The following DAB1 variants were observed in gnomAD, a reference collection of about 807,000 sequenced individuals.
DAB1 encodes disabled homolog 1.
A neutral mutation model predicts 64.6 loss-of-function variants in DAB1; 15 were observed. The observed-to-expected ratio is 0.23, with a 90% CI of 0.16 to 0.36. DAB1 has a LOEUF of 0.36. Among genes scored for constraint, DAB1 ranks in the 10% least tolerant of loss-of-function variants. DAB1 has a pLI of 1.00. For synonymous variants in DAB1, 235 were observed against 251.9 expected, an observed-to-expected ratio of 0.93 and a Z score of 0.64; for missense variants, 596 against 706.7, an observed-to-expected ratio of 0.84 and a Z score of 1.78.
chr1:57,359,968 G>C, intron 1 of DAB1, among the ~76,000 whole-genome samples: 1 of 151,958 alleles, frequency 6.6e-6, no homozygotes, highest in Non-Finnish European at 1.5e-5. Context: ...GGCAATATTG[G>C]TCAAATTATA....
intron 3 of DAB1, among the ~76,000 whole-genome samples, chr1:58,348,754 GT>G (rs1373907810): frequency 6.6e-6 from 1 of 152,150 alleles, no homozygotes; most frequent in African/African-American, 2.4e-5. Context: ...ACGTTGGGAA[GT>G]TTTTTTGGCA....
chr1:57,409,302 TA>T (rs1223817521), intron 1 of DAB1, among the ~76,000 whole-genome samples: 8 of 152,238 alleles, frequency 5.3e-5, no homozygotes, highest in Non-Finnish European at 1.2e-4. Flanking sequence ...AACACCTTTG[TA>T]ACTGCTTTCC....
chr1:57,132,968 A>G (rs970338491), intron 4 of DAB1, among the ~76,000 whole-genome samples: 10 of 152,184 alleles, frequency 6.6e-5, no homozygotes, highest in African/African-American at 1.9e-4. Flanking sequence ...CACTAGTATC[A>G]GAGATTCTGG....
intron 7 of DAB1, among the ~76,000 whole-genome samples, chr1:57,541,083 G>GC (rs778657736): frequency 1.1e-4 from 17 of 151,762 alleles, no homozygotes; most frequent in Non-Finnish European, 2.4e-4. Context: ...TATGACATGT[G>GC]CCCCATAGAT....
At chr1:57,660,002 T>TAAAC (rs553483703) in intron 6 of DAB1, among the ~76,000 whole-genome samples, 12 of 143,200 alleles carry the variant, frequency 8.4e-5, no homozygotes, top group Admixed American at 8.1e-4. Flanking sequence ...AATAAATAAA[T>TAAAC]AAATAAATAA....
chr1:57,907,896 A>T (rs1271031111), intron 5 of DAB1, among the ~76,000 whole-genome samples: 1 of 146,010 alleles, frequency 6.8e-6, no homozygotes, highest in Non-Finnish European at 1.5e-5. Context: ...CATTAATAAC[A>T]TTGTTATATA....
At chr1:57,704,294 T>C (rs1646940266) in intron 6 of DAB1, among the ~76,000 whole-genome samples, 1 of 152,114 alleles carries the variant, frequency 6.6e-6, no homozygotes, top group African/African-American at 2.4e-5. Context: ...ACAGAAGCTG[T>C]TTTCTAAGGG....
chr1:57,193,379 A>ATTT (rs1328631874), intron 2 of DAB1, among the ~76,000 whole-genome samples: 18 of 71,590 alleles, frequency 2.5e-4, no homozygotes, highest in African/African-American at 9.3e-4. Context: ...TCCGTAGCAT[A>ATTT]TGTTTTTTTT....
chr1:58,443,148 G>A (rs74076246), intron 3 of DAB1, among the ~76,000 whole-genome samples: 3,974 of 152,100 alleles, frequency 0.026, 186 homozygotes, highest in African/African-American at 0.092. Context: ...AGTGACAAAC[G>A]GTGGACCAGC....
chr1:58,534,349 A>G (rs1646483627), intron 1 of DAB1: 1 of 826,076 alleles, frequency 1.2e-6, no homozygotes. Flanking sequence ...ATTAAAAATT[A>G]CTTCTTATTT....
intron 2 of DAB1, among the ~76,000 whole-genome samples, chr1:57,254,001 A>G (rs1354209761): frequency 6.6e-6 from 1 of 152,232 alleles, no homozygotes; most frequent in Non-Finnish European, 1.5e-5. Flanking sequence ...AGAATATTAC[A>G]AATACTGCTG....
chr1:57,623,310 G>T (rs776074998), intron 7 of DAB1, among the ~76,000 whole-genome samples: 4 of 152,140 alleles, frequency 2.6e-5, no homozygotes, highest in Non-Finnish European at 5.9e-5. Context: ...CTTCAGCACC[G>T]AGGCAGGAAG....
chr1:58,262,158 C>T (rs1661061373), intron 4 of DAB1, among the ~76,000 whole-genome samples: 1 of 152,108 alleles, frequency 6.6e-6, no homozygotes, highest in South Asian at 2.1e-4. Context: ...AAAACGCAGT[C>T]CCCTAGAACA....
At chr1:57,314,225 C>T (rs544381436) in intron 1 of DAB1, among the ~76,000 whole-genome samples, 1 of 152,326 alleles carries the variant, frequency 6.6e-6, no homozygotes, top group East Asian at 1.9e-4. Flanking sequence ...ATACTTAATA[C>T]TGACAACAGA....
At chr1:58,287,746 G>T (rs1233463467) in intron 4 of DAB1, among the ~76,000 whole-genome samples, 2 of 152,126 alleles carry the variant, frequency 1.3e-5, no homozygotes, top group African/African-American at 4.8e-5. Flanking sequence ...CAAAGTCCAG[G>T]CGTGGTGGCT....
At chr1:57,772,411 G>T (rs1332362648) in intron 6 of DAB1, among the ~76,000 whole-genome samples, 1 of 152,086 alleles carries the variant, frequency 6.6e-6, no homozygotes, top group Non-Finnish European at 1.5e-5. Flanking sequence ...GCTCAAAATG[G>T]ACTAAGACAT....
intron 5 of DAB1, among the ~76,000 whole-genome samples, chr1:58,106,654 C>T (rs1276883148): frequency 3.3e-5 from 5 of 152,178 alleles, no homozygotes; most frequent in African/African-American, 1.2e-4. Flanking sequence ...GGATCCCGTG[C>T]TCCTTCTCAT....
chr1:58,249,371 A>T (rs1660696645), intron 4 of DAB1, among the ~76,000 whole-genome samples: 1 of 151,736 alleles, frequency 6.6e-6, no homozygotes, highest in Non-Finnish European at 1.5e-5. Context: ...GTGAAAGCTC[A>T]GAGAGCCGGG....
chr1:58,256,185 C>T (rs1185348077), intron 4 of DAB1, among the ~76,000 whole-genome samples: 1 of 152,216 alleles, frequency 6.6e-6, no homozygotes, highest in Non-Finnish European at 1.5e-5. Flanking sequence ...TAAGAGAACG[C>T]TCTTCACTAT....
Sources: allele counts gnomAD v4.1 joint callset (sites outside exome capture counted in the v4.1 genomes callset), GRCh38; gene constraint gnomAD v4.1.1; transcripts MANE v1.5; gene names NCBI Gene and HGNC (gene_info 2026-07-23, HGNC 2026-07-21).